The following GPBP1 variants were observed in gnomAD, a reference collection of about 807,000 sequenced individuals.
GPBP1 encodes the protein GC-rich promoter binding protein 1.
Under a neutral mutation model 56.5 loss-of-function variants are expected in GPBP1, and 13 were observed. That is an observed-to-expected ratio of 0.23 (90% CI 0.15 to 0.37). The LOEUF (loss-of-function observed/expected upper bound fraction) is 0.37. Among genes scored for constraint, GPBP1 ranks in the 10% least tolerant of loss-of-function variants. The pLI is 1.00. For missense variants in GPBP1, 477 were observed against 572.3 expected, an observed-to-expected ratio of 0.83 and a Z score of 1.70; for synonymous variants, 204 against 188.9, an observed-to-expected ratio of 1.08 and a Z score of -0.66.
intron 2 of GPBP1, among the ~76,000 whole-genome samples, chr5:57,201,265 T>C (rs1755009400): frequency 1.3e-5 from 2 of 152,230 alleles, no homozygotes; most frequent in Non-Finnish European, 2.9e-5. Flanking sequence ...AACTGGGACT[T>C]ACAAGTGTGT....
chr5:57,181,273 G>A (rs1031013910), intron 2 of GPBP1, among the ~76,000 whole-genome samples: 1 of 152,058 alleles, frequency 6.6e-6, no homozygotes, highest in African/African-American at 2.4e-5. Flanking sequence ...AAGTCGAGAT[G>A]GCAGTGAGCG....
intron 2 of GPBP1, among the ~76,000 whole-genome samples, chr5:57,194,535 C>G (rs1337640924): frequency 2.0e-5 from 3 of 152,138 alleles, no homozygotes; most frequent in African/African-American, 4.8e-5. Context: ...TAGGAACATT[C>G]CAACTCCATT....
intron 2 of GPBP1, among the ~76,000 whole-genome samples, chr5:57,184,359 G>A (rs778149963): frequency 1.3e-5 from 2 of 152,160 alleles, no homozygotes; most frequent in Non-Finnish European, 2.9e-5. Context: ...TTGGCTCTTG[G>A]TTCAGCAGGC....
chr5:57,200,067 C>G (rs1374231402), intron 2 of GPBP1, among the ~76,000 whole-genome samples: 2 of 102,292 alleles, frequency 2.0e-5, no homozygotes, highest in African/African-American at 7.8e-5. Context: ...AAGTCTTGCT[C>G]TGTCTGTGGC....
intron 8 of GPBP1, among the ~76,000 whole-genome samples, chr5:57,248,189 A>G (rs1029545118): frequency 6.6e-6 from 1 of 152,144 alleles, no homozygotes; most frequent in Non-Finnish European, 1.5e-5. Context: ...TTTTATTACT[A>G]TTAACACTGA....
chr5:57,258,990 A>G (rs577007980), intron 10 of GPBP1, among the ~76,000 whole-genome samples: 19 of 152,344 alleles, frequency 1.2e-4, no homozygotes, highest in African/African-American at 3.6e-4. Flanking sequence ...TTGCTAGTCT[A>G]GATTTAATAG....
intron 3 of GPBP1, among the ~76,000 whole-genome samples, chr5:57,219,184 T>TG (rs748855823): frequency 4.0e-5 from 6 of 151,802 alleles, no homozygotes; most frequent in Non-Finnish European, 7.4e-5. Context: ...AAGACCAGCC[T>TG]GGCCAACATG....
chr5:57,227,641 G>A (rs1426121576), intron 3 of GPBP1, among the ~76,000 whole-genome samples: 1 of 152,202 alleles, frequency 6.6e-6, no homozygotes, highest in Admixed American at 6.5e-5. Context: ...CTCAGTGCAA[G>A]GGCAGCATCC....
intron 2 of GPBP1, among the ~76,000 whole-genome samples, chr5:57,177,374 TTGAC>T (rs749680363): frequency 3.9e-5 from 6 of 152,146 alleles, no homozygotes; most frequent in South Asian, 2.1e-4. Flanking sequence ...TTTTTTCTCT[TTGAC>T]TAATGACAAA....
chr5:57,177,796 C>T (rs927628296), intron 2 of GPBP1, among the ~76,000 whole-genome samples: 13 of 151,646 alleles, frequency 8.6e-5, no homozygotes, highest in Non-Finnish European at 1.5e-4. Context: ...CCCACGCGCC[C>T]GGCTGAGATT....
At chr5:57,234,879 A>G (rs998050959) in intron 5 of GPBP1, among the ~76,000 whole-genome samples, 1 of 152,190 alleles carries the variant, frequency 6.6e-6, no homozygotes, top group African/African-American at 2.4e-5. Flanking sequence ...GAATCTTCCT[A>G]TAACCCATGC....
chr5:57,189,952 C>T (rs180807547), intron 2 of GPBP1, among the ~76,000 whole-genome samples: 1 of 152,122 alleles, frequency 6.6e-6, no homozygotes, highest in Non-Finnish European at 1.5e-5. Context: ...GTAAAGTGGG[C>T]CACTCTATTC....
chr5:57,250,991 C>T lies in GPBP1; in HGVS notation c.1010C>T (p.Thr337Ile), dbSNP rs764365302. The change falls in exon 10 of 12, where the codon ACT becomes ATT. Residue 337 changes from threonine (T) to isoleucine (I), a missense_variant. This residue lies in a region of GPBP1 where 414 missense variants were observed against 458.2 expected (regional missense o/e 0.90). Transcript: ENST00000506184. ...TTTAATTTACATAACAGCAATAGTACTCACCAAGAAAGGGATATAAACCGA... is the reference window on the plus strand; with the variant it reads ...TTTAATTTACATAACAGCAATAGTATTCACCAAGAAAGGGATATAAACCGA... ...DSFNLHNSNS[T>I]HQERDINRNF... The T allele has an allele frequency of 2.5e-6, 4 of 1,606,784 alleles. No homozygotes were observed. The highest frequency in any genetic ancestry group is 1.4e-5 in the African/African-American group (1 of 74,026).
intron 2 of GPBP1, among the ~76,000 whole-genome samples, chr5:57,190,604 A>G (rs1159336394): frequency 4.6e-5 from 7 of 151,520 alleles, no homozygotes; most frequent in Admixed American, 4.6e-4. Context: ...AAAAAAAGAA[A>G]AAAGCTATTT....
At chr5:57,250,789 C>G (rs896394635) in intron 9 of GPBP1, among the ~76,000 whole-genome samples, 165 bp from the exon 10 acceptor site, 5 of 152,138 alleles carry the variant, frequency 3.3e-5, no homozygotes, top group African/African-American at 1.2e-4. Context: ...AGATGATCCA[C>G]CCGCCTTGGC....
At chr5:57,206,405 T>A (rs1180144129) in intron 2 of GPBP1, among the ~76,000 whole-genome samples, 1 of 152,172 alleles carries the variant, frequency 6.6e-6, no homozygotes, top group South Asian at 2.1e-4. Context: ...TTTATTTTAT[T>A]TATTTATTTT....
At chr5:57,177,465 C>T (rs10471999) in intron 2 of GPBP1, among the ~76,000 whole-genome samples, 1 of 151,640 alleles carries the variant, frequency 6.6e-6, no homozygotes, top group Non-Finnish European at 1.5e-5. Context: ...AATTGTCTTT[C>T]TGAGACGAAA....
intron 2 of GPBP1, among the ~76,000 whole-genome samples, chr5:57,212,457 A>G (rs1025351988): frequency 3.3e-5 from 5 of 152,106 alleles, no homozygotes; most frequent in South Asian, 2.1e-4. Context: ...TGTGATGTGC[A>G]GTATATTTTG....
chr5:57,254,648 T>A (rs1179264015), intron 10 of GPBP1, among the ~76,000 whole-genome samples: 1 of 150,254 alleles, frequency 6.7e-6, no homozygotes, highest in Non-Finnish European at 1.5e-5. Flanking sequence ...TGAGCCGAGA[T>A]CGTGCCATTG....
Sources: allele counts gnomAD v4.1 joint callset (sites outside exome capture counted in the v4.1 genomes callset), GRCh38; gene constraint gnomAD v4.1.1; regional missense constraint gnomAD v4.1.1; transcripts MANE v1.5; gene names NCBI Gene and HGNC (gene_info 2026-07-23, HGNC 2026-07-21).